Variants in PPP1R12B observed in about 807,000 individuals in gnomAD.
PPP1R12B encodes protein phosphatase 1 regulatory subunit 12B, also known as myosin phosphatase target subunit 2.
Under a neutral mutation model 126.1 loss-of-function variants are expected in PPP1R12B, and 76 were observed. The ratio of observed to expected loss-of-function variants is 0.60; its 90% CI spans 0.50 to 0.73. The LOEUF is 0.73. Ranked by LOEUF, PPP1R12B falls within the 30% of genes least tolerant of loss-of-function variation. The probability of loss-of-function intolerance (pLI) is 0.00; values close to 1 mark genes in which losing one functional copy is unlikely to be tolerated. For missense variants in PPP1R12B, 1,052 were observed against 1,205.1 expected, an observed-to-expected ratio of 0.87 and a Z score of 1.88; for synonymous variants, 356 against 434.7, an observed-to-expected ratio of 0.82 and a Z score of 2.25.
At chr1:202,432,301 C>T (rs1670286388) in intron 8 of PPP1R12B, among the ~76,000 whole-genome samples, 1 of 151,572 alleles carries the variant, frequency 6.6e-6, no homozygotes, top group Non-Finnish European at 1.5e-5. Flanking sequence ...CAGAGTCTCG[C>T]TCTGTTGCCC....
intron 13 of PPP1R12B, among the ~76,000 whole-genome samples, chr1:202,475,248 G>A (rs910120352): frequency 2.0e-5 from 3 of 152,170 alleles, no homozygotes; most frequent in Non-Finnish European, 2.9e-5. Flanking sequence ...CCTAGCAACT[G>A]TAGAGTCAAA....
In PPP1R12B at chr1:202,584,290, T is replaced by C. The variant is rs1689698490; in HGVS notation, c.*3730T>C. The C allele has an allele frequency of 6.6e-6, 1 of 152,230 alleles. No homozygotes were observed. The highest frequency in any genetic ancestry group is 1.5e-5 in the Non-Finnish European group (1 of 68,046). 9.4% of individuals were successfully genotyped at this position (152,230 alleles called of 1,614,324 possible). On this transcript the variant is annotated 3_prime_UTR_variant, in exon 24 of 24. Coordinates refer to ENST00000608999, the MANE Select transcript of PPP1R12B (RefSeq NM_002481.4). ...AAGTTTAAGAAGACTTAGATTCATTTATTGCTATCTGAGGCCACTAGTGAG... is the reference window on the plus strand; with the variant it reads ...AAGTTTAAGAAGACTTAGATTCATTCATTGCTATCTGAGGCCACTAGTGAG...
intron 1 of PPP1R12B, among the ~76,000 whole-genome samples, chr1:202,380,456 A>G (rs1407136099): frequency 2.0e-5 from 3 of 152,162 alleles, no homozygotes; most frequent in African/African-American, 4.8e-5. Context: ...GTAAAGAAGA[A>G]AATGTGTTTG....
chr1:202,429,708 A>T (rs1669970004), intron 6 of PPP1R12B, among the ~76,000 whole-genome samples: 1 of 152,204 alleles, frequency 6.6e-6, no homozygotes, highest in Non-Finnish European at 1.5e-5. Context: ...GGGCCAAAAA[A>T]ATCAATGACT....
chr1:202,525,328 A>G (rs987026594), intron 18 of PPP1R12B, among the ~76,000 whole-genome samples: 4 of 152,214 alleles, frequency 2.6e-5, no homozygotes, highest in Admixed American at 2.6e-4. Context: ...ACAGAAAGAA[A>G]ATATAGAAAA....
chr1:202,526,382 G>A (rs1478826941), intron 18 of PPP1R12B, among the ~76,000 whole-genome samples: 2 of 152,200 alleles, frequency 1.3e-5, no homozygotes, highest in African/African-American at 4.8e-5. Context: ...GACTAGGGAA[G>A]TATCTGTGTG....
intron 18 of PPP1R12B, among the ~76,000 whole-genome samples, chr1:202,548,542 C>T (rs958104257): frequency 2.6e-5 from 4 of 152,062 alleles, no homozygotes; most frequent in Middle Eastern, 3.4e-3. Flanking sequence ...CCAAGCTGGT[C>T]TCAAACTCCC....
intron 12 of PPP1R12B, among the ~76,000 whole-genome samples, chr1:202,446,353 G>A (rs140866874): frequency 3.1e-4 from 45 of 145,118 alleles, no homozygotes; most frequent in Admixed American, 3.0e-3. Context: ...TCCCGGGCTC[G>A]AGCAATTCTT....
At chr1:202,413,729 GAT>G (rs559995553) in intron 1 of PPP1R12B, among the ~76,000 whole-genome samples, 83 of 152,158 alleles carry the variant, frequency 5.5e-4, no homozygotes, top group African/African-American at 1.9e-3. Flanking sequence ...TAAAAATAGT[GAT>G]ATTGTTTTAC....
At chr1:202,445,331 G>A in intron 12 of PPP1R12B, 1 of 987,096 alleles carries the variant, frequency 1.0e-6, no homozygotes. Flanking sequence ...ATAAAAACAA[G>A]TTAGAACTCC....
chr1:202,554,874 T>C (rs1686717682), intron 18 of PPP1R12B, among the ~76,000 whole-genome samples: 1 of 151,848 alleles, frequency 6.6e-6, no homozygotes, highest in African/African-American at 2.4e-5. Flanking sequence ...AGGGAACACC[T>C]CCTACAGTAA....
rs778633987 is a variant in PPP1R12B, at chr1:202,583,033, C to G, written c.*2473C>G. ...AAGAGAAGCTGCTACTATCTTGAGACTTCGTATTATCATGGGAGTACTGTA... is the reference window on the plus strand; with the variant it reads ...AAGAGAAGCTGCTACTATCTTGAGAGTTCGTATTATCATGGGAGTACTGTA... On this transcript the variant is annotated 3_prime_UTR_variant, in exon 24 of 24. Coordinates refer to ENST00000608999, the MANE Select transcript of PPP1R12B (RefSeq NM_002481.4). 6.6e-6 allele frequency: 1 copy of G among 152,140 alleles called. No individual in the cohort carries two copies. Among genetic ancestry groups the G allele is most frequent in the Non-Finnish European group, 1.5e-5 (1 of 68,036 alleles). 9.4% of individuals were successfully genotyped at this position (152,140 alleles called of 1,614,324 possible).
intron 2 of PPP1R12B, among the ~76,000 whole-genome samples, chr1:202,418,417 G>A (rs1400226844): frequency 6.6e-6 from 1 of 150,852 alleles, no homozygotes; most frequent in South Asian, 2.1e-4. Context: ...AGGATCACTT[G>A]TGCTGGCATT....
intron 18 of PPP1R12B, chr1:202,502,099 A>G (rs1046977711): frequency 1.0e-4 from 102 of 985,652 alleles, no homozygotes; most frequent in Non-Finnish European, 1.2e-4. Context: ...GTGGCACTCA[A>G]TCTGAACAAA....
intron 1 of PPP1R12B, among the ~76,000 whole-genome samples, chr1:202,375,540 A>G (rs1284895026): frequency 6.6e-6 from 1 of 152,178 alleles, no homozygotes; most frequent in Non-Finnish European, 1.5e-5. Flanking sequence ...GGAGCCTCCC[A>G]TGGCATAACC....
intron 1 of PPP1R12B, among the ~76,000 whole-genome samples, chr1:202,351,847 T>C (rs1656072961): frequency 6.6e-6 from 1 of 152,178 alleles, no homozygotes. Flanking sequence ...AACGTCACAG[T>C]AGATGATTTG....
At chr1:202,530,319 G>A (rs1445853666) in intron 18 of PPP1R12B, among the ~76,000 whole-genome samples, 1 of 152,124 alleles carries the variant, frequency 6.6e-6, no homozygotes, top group Non-Finnish European at 1.5e-5. Context: ...CTTGTGGTAA[G>A]TGTTGCCCCT....
chr1:202,373,864 G>T (rs1660710400), intron 1 of PPP1R12B, among the ~76,000 whole-genome samples: 1 of 152,002 alleles, frequency 6.6e-6, no homozygotes, highest in East Asian at 1.9e-4. Flanking sequence ...TTTTTGTAAA[G>T]CAGAGGTTTG....
At chr1:202,566,828 C>T (rs1040361512) in intron 21 of PPP1R12B, among the ~76,000 whole-genome samples, 1 of 152,066 alleles carries the variant, frequency 6.6e-6, no homozygotes, top group African/African-American at 2.4e-5. Flanking sequence ...AAAGAAACTG[C>T]TGCAAGAAGA....
Sources: gnomAD v4.1 joint callset for allele counts (sites outside exome capture counted in the v4.1 genomes callset) on GRCh38, gnomAD v4.1.1 for gene constraint, MANE v1.5 for transcripts, NCBI Gene and HGNC (gene_info 2026-07-23, HGNC 2026-07-21) for gene names.